Variants in SBF2 observed in about 807,000 individuals in gnomAD.
SBF2 encodes myotubularin-related protein 13.
A neutral mutation model predicts 225.2 loss-of-function variants in SBF2; 112 were observed. The observed-to-expected ratio is 0.50, with a 90% confidence interval of 0.43 to 0.58. The LOEUF (loss-of-function observed/expected upper bound fraction) is 0.58, where lower values mean the gene tolerates loss of function less well. Among genes scored for constraint, SBF2 ranks in the 20% least tolerant of loss-of-function variants. The pLI is 0.00. For missense variants in SBF2, 1,996 were observed against 2,206.2 expected (o/e 0.90, Z 1.91); for synonymous variants, 763 against 773.3 (o/e 0.99, Z 0.22).
intron 2 of SBF2, among the ~76,000 whole-genome samples, chr11:10,046,952 T>C (rs1258710838): frequency 1.3e-5 from 2 of 149,946 alleles, no homozygotes; most frequent in Non-Finnish European, 3.0e-5. Flanking sequence ...AAAGTTAATA[T>C]ACAAAAATCA....
intron 1 of SBF2, among the ~76,000 whole-genome samples, chr11:10,233,294 A>G (rs965062465): frequency 1.3e-5 from 2 of 152,066 alleles, no homozygotes; most frequent in Admixed American, 1.3e-4. Context: ...ATTTCTTCAC[A>G]TGTATCATAA....
intron 1 of SBF2, among the ~76,000 whole-genome samples, chr11:10,292,366 T>A (rs1424166433): frequency 6.6e-6 from 1 of 152,100 alleles, no homozygotes; most frequent in East Asian, 1.9e-4. Context: ...TTCTTGCAAC[T>A]TTTTTGCAAG....
chr11:9,941,271 C>T (rs1865234954), intron 16 of SBF2, among the ~76,000 whole-genome samples: 1 of 152,100 alleles, frequency 6.6e-6, no homozygotes, highest in African/African-American at 2.4e-5. Context: ...GCTATGATTC[C>T]CACCCCTGCG....
intron 13 of SBF2, among the ~76,000 whole-genome samples, chr11:9,989,052 A>ATATATATATATG (rs1347138364): frequency 5.9e-5 from 9 of 151,540 alleles, no homozygotes; most frequent in African/African-American, 1.7e-4. Context: ...ATATATATAT[A>ATATATATATATG]TATACATATG....
At chr11:9,952,206 C>T (rs192816803) in intron 16 of SBF2, among the ~76,000 whole-genome samples, 1 of 152,114 alleles carries the variant, frequency 6.6e-6, no homozygotes. Context: ...GACCTAGTAT[C>T]TTCCAGGCCA....
intron 2 of SBF2, among the ~76,000 whole-genome samples, chr11:10,185,374 C>T (rs376560692): frequency 1.3e-5 from 2 of 152,180 alleles, no homozygotes; most frequent in Non-Finnish European, 2.9e-5. Context: ...CACCATTTTA[C>T]GTTCCCACCA....
intron 1 of SBF2, among the ~76,000 whole-genome samples, chr11:10,240,880 T>C (rs1027492273): frequency 1.2e-4 from 19 of 152,346 alleles, no homozygotes; most frequent in South Asian, 4.1e-4. Flanking sequence ...GGAATTTTTA[T>C]TGCATTATCA....
intron 6 of SBF2, among the ~76,000 whole-genome samples, chr11:10,010,301 C>T (rs778257482): frequency 6.6e-6 from 1 of 152,168 alleles, no homozygotes; most frequent in Non-Finnish European, 1.5e-5. Flanking sequence ...GTGTTTTAGA[C>T]ATGAAGTCTT....
intron 2 of SBF2, among the ~76,000 whole-genome samples, chr11:10,192,105 A>T (rs2135323775): frequency 6.6e-6 from 1 of 152,334 alleles, no homozygotes; most frequent in East Asian, 1.9e-4. Flanking sequence ...TAAAAGGGAC[A>T]TTGAAACAGG....
intron 17 of SBF2, among the ~76,000 whole-genome samples, chr11:9,875,300 T>C (rs775495127): frequency 1.3e-5 from 2 of 152,236 alleles, no homozygotes; most frequent in Non-Finnish European, 2.9e-5. Context: ...TAAACTGTTC[T>C]AGGACTGCAG....
intron 17 of SBF2, among the ~76,000 whole-genome samples, chr11:9,877,882 C>T (rs1387644762): frequency 6.6e-6 from 1 of 152,108 alleles, no homozygotes; most frequent in African/African-American, 2.4e-5. Context: ...TTTATAGCAG[C>T]ATGATTTATA....
At chr11:9,967,911 A>ATCTGTCTGTCTGTCTGTCTG (rs1201842155) in intron 14 of SBF2, among the ~76,000 whole-genome samples, 1 of 139,718 alleles carries the variant, frequency 7.2e-6, no homozygotes, top group African/African-American at 2.7e-5. Context: ...GTGAAACTCA[A>ATCTGTCTGTCTGTCTGTCTG]TCTGTCTGTC....
chr11:9,864,047 C>T (rs1457090330), intron 17 of SBF2, among the ~76,000 whole-genome samples: 2 of 152,128 alleles, frequency 1.3e-5, no homozygotes, highest in African/African-American at 4.8e-5. Context: ...CTTATGTAAA[C>T]ATACAACTCA....
intron 36 of SBF2, among the ~76,000 whole-genome samples, chr11:9,786,348 TTCTG>T (rs1462359740): frequency 2.0e-5 from 3 of 152,204 alleles, no homozygotes; most frequent in African/African-American, 7.2e-5. Context: ...TTTTATAACT[TTCTG>T]TGTGTTCTTT....
intron 7 of SBF2, among the ~76,000 whole-genome samples, chr11:10,001,352 C>T (rs1638280634): frequency 1.3e-5 from 2 of 152,012 alleles, no homozygotes; most frequent in Non-Finnish European, 2.9e-5. Context: ...GTAACACTGA[C>T]TCTCTGATAG....
intron 17 of SBF2, among the ~76,000 whole-genome samples, chr11:9,890,156 C>T (rs774087816): frequency 1.2e-4 from 19 of 152,198 alleles, no homozygotes; most frequent in South Asian, 4.1e-4. Context: ...CCAACTGCCT[C>T]GGCCTCCCGA....
intron 16 of SBF2, among the ~76,000 whole-genome samples, chr11:9,913,648 T>C (rs534656425): frequency 1.2e-5 from 1 of 80,160 alleles, no homozygotes; most frequent in Admixed American, 1.0e-4. Context: ...ATTAAAAAAA[T>C]AAAATAAAAT....
chr11:9,971,965 T>C (rs913073861), intron 13 of SBF2, among the ~76,000 whole-genome samples: 14 of 152,150 alleles, frequency 9.2e-5, no homozygotes, highest in African/African-American at 2.7e-4. Context: ...AACAGGACTA[T>C]GTGAGAAAAT....
intron 13 of SBF2, among the ~76,000 whole-genome samples, chr11:9,971,586 G>C (rs1455012594): frequency 6.6e-6 from 1 of 152,184 alleles, no homozygotes; most frequent in African/African-American, 2.4e-5. Flanking sequence ...GACTGAGGGA[G>C]GAGGATAGTT....
Sources: gnomAD v4.1 joint callset for allele counts (sites outside exome capture counted in the v4.1 genomes callset) on GRCh38, gnomAD v4.1.1 for gene constraint, MANE v1.5 for transcripts, NCBI Gene and HGNC (gene_info 2026-07-23, HGNC 2026-07-21) for gene names.